Variants in SERINC5 observed in about 807,000 individuals in gnomAD.
SERINC5 encodes serine incorporator 5, also known as chromosome 5 open reading frame 12.
Under a neutral mutation model 63.1 loss-of-function variants are expected in SERINC5, and 41 were observed. That is an observed-to-expected ratio of 0.65 (90% CI 0.51 to 0.84). The LOEUF is 0.84. Ranked by LOEUF, SERINC5 falls within the 40% of genes least tolerant of loss-of-function variation. The pLI is 0.00. For synonymous variants in SERINC5, 222 were observed against 215.2 expected, an observed-to-expected ratio of 1.03 and a Z score of -0.28; for missense variants, 523 against 573.0, an observed-to-expected ratio of 0.91 and a Z score of 0.89.
chr5:80,211,827 A>G (rs1473372897), intron 1 of SERINC5, among the ~76,000 whole-genome samples: 1 of 152,250 alleles, frequency 6.6e-6, no homozygotes, highest in African/African-American at 2.4e-5. Context: ...CAGGCAGCAC[A>G]TATGTTCTGT....
rs1177414966 is a variant in SERINC5 at position 80,141,205 on chromosome 5, A to C, written c.*2458T>G. Reference sequence around the variant, plus strand: ...GTGCTAACATTTTCAGCTGAGAATAAAATTCAGAGCAACTGTAACTCTTCC... The same window carrying C: ...GTGCTAACATTTTCAGCTGAGAATACAATTCAGAGCAACTGTAACTCTTCC... On this transcript the variant is annotated 3_prime_UTR_variant, in exon 12 of 12. Transcript: ENST00000507668. 1 of 985,340 alleles carries C rather than the reference A, an allele frequency of 1.0e-6. No homozygotes were observed. The highest frequency in any genetic ancestry group is 1.1e-4 in the East Asian group (1 of 8,820). 61.0% of individuals were successfully genotyped at this position (985,340 alleles called of 1,614,324 possible).
At chr5:80,162,564 G>T (rs1012458238) in intron 7 of SERINC5, among the ~76,000 whole-genome samples, 4 of 152,014 alleles carry the variant, frequency 2.6e-5, no homozygotes, top group Non-Finnish European at 2.9e-5. Context: ...TGTAGAGATG[G>T]GATTTCCCTA....
Position 80,139,598 on chromosome 5 carries a change from G to GAGAA in SERINC5, c.*4064_*4065insTTCT. On this transcript the variant is annotated 3_prime_UTR_variant, in exon 12 of 12. Transcript: ENST00000507668. ...AAAGAGTTGTTGAGAAAGAAGAAAA[G>GAGAA]AGAGAGAGAGAGAAAGGTCTAAACA... 1 of 913,250 alleles carries GAGAA rather than the reference G, an allele frequency of 1.1e-6. No homozygotes were observed. The highest frequency in any genetic ancestry group is 1.3e-6 in the Non-Finnish European group (1 of 763,952). 56.6% of individuals were successfully genotyped at this position (913,250 alleles called of 1,614,324 possible).
At chr5:80,134,785 A>G (rs1183232070), downstream of SERINC5, among the ~76,000 whole-genome samples, 2 of 152,240 alleles carry the variant, frequency 1.3e-5, no homozygotes, top group East Asian at 3.8e-4. Context: ...GGTTAGTTAG[A>G]CAAACAGGCT....
chr5:80,170,051 C>T (rs1747549681), intron 5 of SERINC5, among the ~76,000 whole-genome samples: 1 of 152,086 alleles, frequency 6.6e-6, no homozygotes, highest in African/African-American at 2.4e-5. Context: ...GTGACATTCC[C>T]CTGAGATTTT....
At chr5:80,144,128 T>C (rs923182524) in intron 11 of SERINC5, among the ~76,000 whole-genome samples, 2 of 152,170 alleles carry the variant, frequency 1.3e-5, no homozygotes, top group Non-Finnish European at 2.9e-5. Flanking sequence ...TGTGTGTGGC[T>C]TTTTTGCCTG....
chr5:80,148,202 T>TTTTTTTTTTTTTTC, intron 9 of SERINC5, among the ~76,000 whole-genome samples: 1 of 147,514 alleles, frequency 6.8e-6, no homozygotes, highest in African/African-American at 2.5e-5. Context: ...TTTTTTTTTT[T>TTTTTTTTTTTTTTC]TTTTTGAGAT....
At chr5:80,232,740 C>T (rs148415872) in intron 1 of SERINC5, among the ~76,000 whole-genome samples, 1,754 of 151,776 alleles carry the variant, frequency 0.012, 30 homozygotes, top group African/African-American at 0.038. Flanking sequence ...GCCAAGATCA[C>T]GCCACTGCAC....
chr5:80,213,790 C>A (rs1364072068), intron 1 of SERINC5, among the ~76,000 whole-genome samples: 1 of 152,162 alleles, frequency 6.6e-6, no homozygotes, highest in Non-Finnish European at 1.5e-5. Context: ...CCAAATCCTA[C>A]CCCATATTAA....
chr5:80,217,926 A>G (rs1443550040), intron 1 of SERINC5, among the ~76,000 whole-genome samples: 1 of 152,206 alleles, frequency 6.6e-6, no homozygotes, highest in East Asian at 1.9e-4. Context: ...TCAGTGGAGC[A>G]TCAAAAAACA....
At chr5:80,237,097 G>A (rs1399970525) in intron 1 of SERINC5, among the ~76,000 whole-genome samples, 1 of 151,974 alleles carries the variant, frequency 6.6e-6, no homozygotes, top group Non-Finnish European at 1.5e-5. Flanking sequence ...AAAGTGCTGG[G>A]ATTACAGGCA....
chr5:80,250,221 T>G (rs1440907961), intron 1 of SERINC5, among the ~76,000 whole-genome samples: 2 of 152,156 alleles, frequency 1.3e-5, no homozygotes, highest in Non-Finnish European at 2.9e-5. Flanking sequence ...GCAGAAATTC[T>G]GTGAGGACTC....
chr5:80,198,444 C>G, intron 2 of SERINC5: 2 of 849,754 alleles, frequency 2.4e-6, no homozygotes, highest in Non-Finnish European at 2.8e-6. Flanking sequence ...GCAACCAAGG[C>G]AAAAACTGGA....
intron 1 of SERINC5, among the ~76,000 whole-genome samples, chr5:80,221,315 G>T (rs1413478362): frequency 6.6e-6 from 1 of 152,124 alleles, no homozygotes; most frequent in Admixed American, 6.6e-5. Context: ...ATGACAACAC[G>T]CCACACACCC....
intron 11 of SERINC5, 94 bp from the exon 12 acceptor site, chr5:80,143,904 G>T: frequency 1.5e-6 from 2 of 1,378,934 alleles, no homozygotes; most frequent in Non-Finnish European, 2.0e-6. Context: ...TAATTCAACG[G>T]CTTTCAATGT....
chr5:80,139,594 A>AGAG lies in SERINC5; in HGVS notation c.*4068_*4069insCTC. 1.2e-5 allele frequency: 6 copies of AGAG among 514,932 alleles called. 1 individual carries two copies. In the African/African-American group the frequency reaches 2.9e-4, roughly 25 times the overall value. The allele number at this position is 514,932 out of a possible 1,614,324, so 31.9% of individuals were successfully genotyped here. A position where few individuals can be genotyped will look rare whatever the true frequency, so the allele number is the denominator to read the frequency against. On this transcript the variant is annotated 3_prime_UTR_variant, in exon 12 of 12. Transcript: ENST00000507668. ...TGTGAAAGAGTTGTTGAGAAAGAAG[A>AGAG]AAAGAGAGAGAGAGAGAAAGGTCTA...
At chr5:80,113,339 G>C (rs1744199188) in intron 12 of SERINC5, among the ~76,000 whole-genome samples, 2 of 152,026 alleles carry the variant, frequency 1.3e-5, no homozygotes, top group Admixed American at 6.5e-5. Context: ...GGTAAAACTA[G>C]TATCATTTCT....
At chr5:80,182,453 C>CT (rs1054806528) in intron 2 of SERINC5, among the ~76,000 whole-genome samples, 2 of 151,654 alleles carry the variant, frequency 1.3e-5, no homozygotes, top group Non-Finnish European at 2.9e-5. Context: ...TCCCCTCACT[C>CT]TCCCATTACG....
Position 80,143,649 on chromosome 5 carries a change from G to A in SERINC5, c.*14C>T. The A allele has an allele frequency of 6.5e-7, 1 of 1,535,276 alleles. No individual in the cohort carries two copies. Among genetic ancestry groups the A allele is most frequent in the Non-Finnish European group, 8.7e-7 (1 of 1,146,434 alleles). ...GGCTGTAGGCCCACAAAGCCCAGGG[G>A]ACCGCCGATATCATCACACAGAGAA... On this transcript the variant is annotated 3_prime_UTR_variant, in exon 12 of 12. Coordinates refer to ENST00000507668, the MANE Select transcript of SERINC5 (RefSeq NM_001174072.3).
Sources: gnomAD v4.1 joint callset for allele counts (sites outside exome capture counted in the v4.1 genomes callset) on GRCh38, gnomAD v4.1.1 for gene constraint, MANE v1.5 for transcripts, NCBI Gene and HGNC (gene_info 2026-07-23, HGNC 2026-07-21) for gene names.